The following CADPS2 variants were observed in gnomAD, a reference collection of about 807,000 sequenced individuals.
CADPS2 encodes the protein calcium dependent secretion activator 2.
A neutral mutation model predicts 172.5 loss-of-function variants in CADPS2; 93 were observed. The observed-to-expected ratio is 0.54, with a 90% CI of 0.46 to 0.64. The LOEUF is 0.64. CADPS2 is among the 30% of genes least tolerant of loss of function. CADPS2 has a pLI of 0.00. For missense variants in CADPS2, 1,420 were observed against 1,565.9 expected, an observed-to-expected ratio of 0.91 and a Z score of 1.57; for synonymous variants, 546 against 555.2, an observed-to-expected ratio of 0.98 and a Z score of 0.23.
At chr7:122,847,340 G>A (rs940800598) in intron 1 of CADPS2, among the ~76,000 whole-genome samples, 4 of 152,218 alleles carry the variant, frequency 2.6e-5, no homozygotes, top group African/African-American at 4.8e-5. Context: ...TCCCTCCTCC[G>A]CCTCCCAGAG....
intron 6 of CADPS2, among the ~76,000 whole-genome samples, chr7:122,591,934 C>T (rs998833608): frequency 1.1e-4 from 16 of 150,998 alleles, no homozygotes; most frequent in East Asian, 2.0e-4. Context: ...TGGACAAGGA[C>T]TTCATGTCTA....
chr7:122,819,383 C>T (rs887680027), intron 1 of CADPS2, among the ~76,000 whole-genome samples: 17 of 152,248 alleles, frequency 1.1e-4, no homozygotes, highest in Non-Finnish European at 2.1e-4. Flanking sequence ...CTCGGCTTAG[C>T]GGCTGAAGAC....
intron 1 of CADPS2, among the ~76,000 whole-genome samples, chr7:122,855,122 AC>A (rs1403748806): frequency 6.6e-6 from 1 of 152,204 alleles, no homozygotes; most frequent in Non-Finnish European, 1.5e-5. Context: ...TGGGAGAAGA[AC>A]ACTGATGGGA....
At chr7:122,647,845 A>G (rs2078727985) in intron 3 of CADPS2, among the ~76,000 whole-genome samples, 1 of 152,222 alleles carries the variant, frequency 6.6e-6, no homozygotes, top group East Asian at 1.9e-4. Context: ...TATAGTGTCA[A>G]ATAAATTTTT....
At chr7:122,395,925 T>G (rs2045054582) in intron 20 of CADPS2, among the ~76,000 whole-genome samples, 2 of 152,032 alleles carry the variant, frequency 1.3e-5, no homozygotes, top group African/African-American at 2.4e-5. Context: ...TTCTCCTGCC[T>G]CAGCCTCCCG....
chr7:122,787,630 A>G (rs1794349133), intron 1 of CADPS2, among the ~76,000 whole-genome samples: 1 of 152,166 alleles, frequency 6.6e-6, no homozygotes, highest in Non-Finnish European at 1.5e-5. Context: ...TGAAAACCAC[A>G]TTGTATTCAC....
intron 7 of CADPS2, among the ~76,000 whole-genome samples, chr7:122,555,408 T>C (rs1431798906): frequency 6.6e-6 from 1 of 152,102 alleles, no homozygotes; most frequent in Non-Finnish European, 1.5e-5. Context: ...CTCCCCCTTT[T>C]AAAATCAGTT....
chr7:122,537,249 T>C (rs546404102), intron 8 of CADPS2, among the ~76,000 whole-genome samples: 15 of 151,660 alleles, frequency 9.9e-5, no homozygotes, highest in African/African-American at 3.6e-4. Context: ...TGTCCTAGGT[T>C]GTTTAGATAA....
chr7:122,460,027 T>G (rs2054262625), intron 14 of CADPS2, among the ~76,000 whole-genome samples: 1 of 152,140 alleles, frequency 6.6e-6, no homozygotes, highest in Non-Finnish European at 1.5e-5. Context: ...GTCATTTAGG[T>G]GAAACCTGAA....
At chr7:122,344,469 T>A (rs1585139929) in intron 28 of CADPS2, among the ~76,000 whole-genome samples, 1 of 152,286 alleles carries the variant, frequency 6.6e-6, no homozygotes, top group Non-Finnish European at 1.5e-5. Context: ...AACATGACGA[T>A]CACAGTATAC....
chr7:122,407,299 C>T (rs746965665), intron 20 of CADPS2, among the ~76,000 whole-genome samples: 1 of 152,170 alleles, frequency 6.6e-6, no homozygotes, highest in African/African-American at 2.4e-5. Context: ...CCTAGGTTAT[C>T]AGACTTCAGT....
chr7:122,637,171 CTTTTTTTTTTTT>C lies in CADPS2; in HGVS notation c.787-7855_787-7844del, dbSNP rs71161313. 9.8e-4 allele frequency among the ~76,000 whole-genome samples: 53 copies of C among 53,890 alleles called. 3 individuals are homozygous for C. The highest frequency in any genetic ancestry group is 2.9e-3 in the African/African-American group (39 of 13,636). The allele number at this position is 53,890 out of a possible 152,430, so 35.4% of individuals were successfully genotyped here. ...CTTCTGACTGCATTATGAAATTTTGCTTTTTTTTTTTTTTTTTTTTTTTTTTTTTTTTTTTTT... is the reference window on the plus strand; with the variant it reads ...CTTCTGACTGCATTATGAAATTTTGCTTTTTTTTTTTTTTTTTTTTTTTTT... On this transcript the variant is annotated intron_variant, in intron 3 of 29. Transcript: ENST00000449022.
At chr7:122,449,420 A>G (rs2052749476) in intron 15 of CADPS2, among the ~76,000 whole-genome samples, 3 of 151,986 alleles carry the variant, frequency 2.0e-5, no homozygotes, top group Admixed American at 2.0e-4. Flanking sequence ...GGCTCAAGTG[A>G]TCCTCCCACA....
chr7:122,520,741 A>G (rs2060725091), intron 8 of CADPS2, among the ~76,000 whole-genome samples: 1 of 152,140 alleles, frequency 6.6e-6, no homozygotes, highest in Non-Finnish European at 1.5e-5. Context: ...CAAATTCTCC[A>G]AACACATTAC....
chr7:122,869,292 A>G (rs1176361615), intron 1 of CADPS2, among the ~76,000 whole-genome samples: 1 of 152,134 alleles, frequency 6.6e-6, no homozygotes, highest in Non-Finnish European at 1.5e-5. Flanking sequence ...TATTGTTTCT[A>G]AAGTGAAAAC....
intron 27 of CADPS2, among the ~76,000 whole-genome samples, chr7:122,348,966 A>G (rs1434673431): frequency 1.3e-5 from 2 of 152,174 alleles, no homozygotes; most frequent in East Asian, 3.8e-4. Context: ...CTGTTTTATT[A>G]TGGTGGTAAA....
intron 2 of CADPS2, among the ~76,000 whole-genome samples, chr7:122,731,242 A>AT (rs1008442768): frequency 8.7e-5 from 13 of 149,814 alleles, no homozygotes; most frequent in African/African-American, 2.7e-4. Context: ...CAAGTCACAA[A>AT]TTTTTTTTTT....
At chr7:122,860,753 C>T (rs924444018) in intron 1 of CADPS2, among the ~76,000 whole-genome samples, 1 of 152,090 alleles carries the variant, frequency 6.6e-6, no homozygotes, top group Non-Finnish European at 1.5e-5. Context: ...CTTTTCCCAG[C>T]CCTTGGTAAC....
At chr7:122,655,649 T>C (rs972946803) in intron 3 of CADPS2, among the ~76,000 whole-genome samples, 13 of 152,242 alleles carry the variant, frequency 8.5e-5, no homozygotes, top group African/African-American at 3.1e-4. Context: ...ATTCACTTTG[T>C]GGCAGTGGTC....
Sources: allele counts gnomAD v4.1 joint callset (sites outside exome capture counted in the v4.1 genomes callset), GRCh38; gene constraint gnomAD v4.1.1; transcripts MANE v1.5; gene names NCBI Gene and HGNC (gene_info 2026-07-23, HGNC 2026-07-21).